Variants in ZBTB7C observed in about 807,000 individuals in gnomAD.
The protein encoded by ZBTB7C is zinc finger and BTB domain containing 7C.
A neutral mutation model predicts 25.7 loss-of-function variants in ZBTB7C; 8 were observed. The ratio of observed to expected loss-of-function variants is 0.31; its 90% CI spans 0.18 to 0.56. ZBTB7C has a LOEUF of 0.56. Among genes scored for constraint, ZBTB7C ranks in the 20% least tolerant of loss-of-function variants. The pLI, the probability that ZBTB7C is intolerant of heterozygous loss-of-function variation, is 0.91. For missense variants in ZBTB7C, 824 were observed against 855.2 expected (o/e 0.96, Z 0.46); for synonymous variants, 394 against 369.0 (o/e 1.07, Z -0.78).
At chr18:48,383,904 G>A (rs111303635) in intron 1 of ZBTB7C, among the ~76,000 whole-genome samples, 2,993 of 152,306 alleles carry the variant, frequency 0.02, 32 homozygotes, top group Middle Eastern at 0.078. Context: ...CAGGCTGGAT[G>A]GAGCCTCGAC....
chr18:48,237,484 C>T lies in ZBTB7C; in HGVS notation c.-78-51489G>A, dbSNP rs188162546. Among the ~76,000 whole-genome samples, 50 of 152,248 alleles carry T rather than the reference C, an allele frequency of 3.3e-4. 1 individual carries two copies. Among genetic ancestry groups the T allele is most frequent in the Admixed American group, 1.8e-3 (28 of 15,290 alleles). ...AGGCCAATAAATATAAGAAAAGATG[C>T]TCAACCTTGGCTATCAGGGAAATGA... is the stretch of plus-strand genomic sequence containing the variant. On this transcript the variant is annotated intron_variant, in intron 2 of 4. Coordinates refer to ENST00000590800, the MANE Select transcript of ZBTB7C (RefSeq NM_001318841.2).
Position 48,040,571 on chromosome 18 carries a change from G to T in ZBTB7C, c.537C>A (p.Asp179Glu), listed in dbSNP as rs775630870. 4 of 1,614,018 alleles carry T rather than the reference G, an allele frequency of 2.5e-6. No homozygotes were observed. Among genetic ancestry groups the T allele is most frequent in the Non-Finnish European group, 3.4e-6 (4 of 1,179,972 alleles). ...TTTGGTGGCAGCTGATGTCCTGGGG[G>T]TCAGGCAAGTTTTCTTGGTCAGCAA... is the stretch of plus-strand genomic sequence containing the variant. ...EDFADQENLP[D>E]PQDISCHQSP... is the part of the protein sequence containing the mutation. The change falls in exon 4 of 5, where the codon GAC becomes GAA. Residue 179 changes from aspartate (D) to glutamate (E), a missense_variant. Asp to Glu is a conservative substitution (Grantham distance 45). Coordinates refer to ENST00000590800, the MANE Select transcript of ZBTB7C (RefSeq NM_001318841.2).
intron 1 of ZBTB7C, among the ~76,000 whole-genome samples, chr18:48,367,178 TATATATATATATA>T (rs2047244428): frequency 5.3e-5 from 1 of 18,908 alleles, no homozygotes; most frequent in Non-Finnish European, 9.9e-5. Flanking sequence ...CCAAGTTTTA[TATATATATATATA>T]TATATATATA....
intron 2 of ZBTB7C, among the ~76,000 whole-genome samples, chr18:48,209,346 C>A (rs2042650722): frequency 6.6e-6 from 1 of 152,212 alleles, no homozygotes; most frequent in Middle Eastern, 3.2e-3. Context: ...CAAGTCCAGA[C>A]ATTGGAGCAG....
chr18:48,158,276 T>A (rs1165575280), intron 3 of ZBTB7C, among the ~76,000 whole-genome samples: 1 of 152,242 alleles, frequency 6.6e-6, no homozygotes, highest in East Asian at 1.9e-4. Flanking sequence ...TGGGCAGGGC[T>A]GCGAAGATGT....
intron 2 of ZBTB7C, among the ~76,000 whole-genome samples, chr18:48,230,967 A>G (rs2043235462): frequency 6.6e-6 from 1 of 152,178 alleles, no homozygotes; most frequent in African/African-American, 2.4e-5. Flanking sequence ...TGCTCAGGCC[A>G]GAACTGACAC....
At chr18:48,191,753 A>T (rs1422196976) in intron 2 of ZBTB7C, among the ~76,000 whole-genome samples, 1 of 152,200 alleles carries the variant, frequency 6.6e-6, no homozygotes, top group Non-Finnish European at 1.5e-5. Context: ...TCCAGCTGAG[A>T]GTCTGCAGTG....
intron 2 of ZBTB7C, among the ~76,000 whole-genome samples, chr18:48,307,252 C>T (rs766951188): frequency 4.6e-5 from 7 of 152,216 alleles, no homozygotes; most frequent in Admixed American, 6.5e-5. Context: ...GCTCCGTGTT[C>T]TACGACTCTG....
intron 3 of ZBTB7C, among the ~76,000 whole-genome samples, chr18:48,060,032 G>A (rs1035653739): frequency 1.1e-4 from 17 of 152,198 alleles, no homozygotes; most frequent in African/African-American, 3.9e-4. Flanking sequence ...TTTGTAAAAC[G>A]GTGTCTAAAT....
At chr18:48,075,852 T>C (rs919656498) in intron 3 of ZBTB7C, among the ~76,000 whole-genome samples, 7 of 152,196 alleles carry the variant, frequency 4.6e-5, no homozygotes, top group African/African-American at 9.6e-5. Context: ...GAAACACCAG[T>C]TGAAGATGCC....
intron 3 of ZBTB7C, among the ~76,000 whole-genome samples, chr18:48,128,347 C>T (rs2039874874): frequency 6.6e-6 from 1 of 152,206 alleles, no homozygotes; most frequent in South Asian, 2.1e-4. Flanking sequence ...AACAACTGGC[C>T]CCATGCACTG....
intron 2 of ZBTB7C, among the ~76,000 whole-genome samples, chr18:48,301,698 A>T (rs1380531922): frequency 6.6e-6 from 1 of 152,148 alleles, no homozygotes; most frequent in East Asian, 1.9e-4. Flanking sequence ...GACTGATGAG[A>T]TGCACAGCTG....
chr18:48,102,055 T>TA lies in ZBTB7C; in HGVS notation c.-16-60933dup, dbSNP rs533556079. On this transcript the variant is annotated intron_variant, in intron 3 of 4. Transcript: ENST00000590800. ...AAAATAGGTTTTAAAAACAAACTGCTAAAAAAAGCTTCTCACACTGACAAC... is the reference window on the plus strand; with the variant it reads ...AAAATAGGTTTTAAAAACAAACTGCTAAAAAAAAGCTTCTCACACTGACAAC... Among the ~76,000 whole-genome samples, 1,119 of 152,208 alleles carry TA rather than the reference T, an allele frequency of 7.4e-3. 3 individuals carry two copies. Among genetic ancestry groups the TA allele is most frequent in the Non-Finnish European group, 0.012 (790 of 67,998 alleles).
At chr18:48,074,991 A>G (rs902311600) in intron 3 of ZBTB7C, among the ~76,000 whole-genome samples, 1 of 152,172 alleles carries the variant, frequency 6.6e-6, no homozygotes, top group Non-Finnish European at 1.5e-5. Context: ...CCTCTAGTTA[A>G]TTGAACTCAC....
intron 1 of ZBTB7C, among the ~76,000 whole-genome samples, chr18:48,358,793 A>G (rs2047036089): frequency 6.6e-6 from 1 of 152,192 alleles, no homozygotes; most frequent in South Asian, 2.1e-4. Flanking sequence ...AAGCCTGTGA[A>G]TATACTAAAA....
intron 3 of ZBTB7C, among the ~76,000 whole-genome samples, chr18:48,090,143 G>T (rs1359163100): frequency 6.6e-6 from 1 of 152,240 alleles, no homozygotes; most frequent in South Asian, 2.1e-4. Context: ...ACAGCATGTG[G>T]TTTTTCCTGT....
chr18:48,161,940 C>G (rs954728132), intron 3 of ZBTB7C, among the ~76,000 whole-genome samples: 1 of 151,930 alleles, frequency 6.6e-6, no homozygotes, highest in Non-Finnish European at 1.5e-5. Flanking sequence ...CGCCCGCCTC[C>G]CCGGGAGGCC....
At chr18:48,103,445 C>T (rs2038922373) in intron 3 of ZBTB7C, among the ~76,000 whole-genome samples, 2 of 152,236 alleles carry the variant, frequency 1.3e-5, no homozygotes, top group Admixed American at 6.5e-5. Flanking sequence ...GAGGGAGTTA[C>T]ACAACATGGG....
intron 2 of ZBTB7C, among the ~76,000 whole-genome samples, chr18:48,263,308 C>T (rs770828243): frequency 1.3e-5 from 2 of 152,242 alleles, no homozygotes; most frequent in African/African-American, 2.4e-5. Flanking sequence ...GCACCACTCA[C>T]GTGGCACCAG....
Sources: gnomAD v4.1 joint callset for allele counts (sites outside exome capture counted in the v4.1 genomes callset) on GRCh38, gnomAD v4.1.1 for gene constraint, MANE v1.5 for transcripts, NCBI Gene and HGNC (gene_info 2026-07-23, HGNC 2026-07-21) for gene names.